Variants in NRG3 observed in about 807,000 individuals in gnomAD.
NRG3 encodes neuregulin 3.
In NRG3, 31 loss-of-function variants were observed where a neutral mutation model predicts 66.9. The observed-to-expected ratio is 0.46, with a 90% CI of 0.35 to 0.63. The LOEUF is 0.63. Among genes scored for constraint, NRG3 ranks in the 20% least tolerant of loss-of-function variants. The pLI is 0.00. For synonymous variants in NRG3, 393 were observed against 359.4 expected, an observed-to-expected ratio of 1.09 and a Z score of -1.06; for missense variants, 910 against 878.9, an observed-to-expected ratio of 1.04 and a Z score of -0.45.
At chr10:82,282,105 G>A (rs533019888) in intron 1 of NRG3, among the ~76,000 whole-genome samples, 244 of 152,132 alleles carry the variant, frequency 1.6e-3, no homozygotes, top group Non-Finnish European at 2.7e-3. Flanking sequence ...GGATAGTGGG[G>A]GCTGTGTCCA....
intron 2 of NRG3, among the ~76,000 whole-genome samples, chr10:82,515,790 GCTT>G: frequency 6.6e-6 from 1 of 152,124 alleles, no homozygotes; most frequent in East Asian, 1.9e-4. Flanking sequence ...TCCACACAGG[GCTT>G]CTTCTGGAAG....
At chr10:82,899,017 T>G (rs1235772031) in intron 4 of NRG3, among the ~76,000 whole-genome samples, 1 of 152,092 alleles carries the variant, frequency 6.6e-6, no homozygotes, top group East Asian at 1.9e-4. Flanking sequence ...GCCAGGAGTT[T>G]TTATTTCATT....
chr10:82,839,113 G>A (rs2062927079), intron 3 of NRG3, among the ~76,000 whole-genome samples: 3 of 152,086 alleles, frequency 2.0e-5, no homozygotes, highest in African/African-American at 7.2e-5. Flanking sequence ...ATGAGATTTG[G>A]GTGGGGACAC....
At chr10:82,356,743 T>G (rs556053988) in intron 1 of NRG3, among the ~76,000 whole-genome samples, 2 of 152,330 alleles carry the variant, frequency 1.3e-5, no homozygotes, top group Non-Finnish European at 2.9e-5. Flanking sequence ...GCCTTGCTGT[T>G]GCAATCTTTA....
chr10:82,104,703 AGTAT>A (rs2066954516), intron 1 of NRG3, among the ~76,000 whole-genome samples: 1 of 152,128 alleles, frequency 6.6e-6, no homozygotes, highest in African/African-American at 2.4e-5. Flanking sequence ...TATTGAAGAT[AGTAT>A]GTGTTATACG....
At chr10:82,405,715 G>A (rs1243317397) in intron 2 of NRG3, among the ~76,000 whole-genome samples, 1 of 152,080 alleles carries the variant, frequency 6.6e-6, no homozygotes, top group Non-Finnish European at 1.5e-5. Flanking sequence ...TGATCCACCC[G>A]CCTCAGCCTC....
intron 2 of NRG3, among the ~76,000 whole-genome samples, chr10:82,399,353 G>A (rs149177169): frequency 1.4e-3 from 210 of 152,274 alleles, no homozygotes; most frequent in African/African-American, 4.7e-3. Context: ...TAAGATGTCA[G>A]AAGAAAATTT....
intron 3 of NRG3, 83 bp downstream of exon 3, chr10:82,738,733 C>T (rs374961929): frequency 8.3e-7 from 1 of 1,208,272 alleles, no homozygotes. Flanking sequence ...CAGCTGAAAG[C>T]TATATTTCAG....
chr10:82,226,269 A>G (rs1369995543), intron 1 of NRG3, among the ~76,000 whole-genome samples: 1 of 152,186 alleles, frequency 6.6e-6, no homozygotes, highest in East Asian at 1.9e-4. Context: ...TCATTTGTAC[A>G]TCAAGGAATT....
At chr10:82,446,021 C>G (rs1425057951) in intron 2 of NRG3, among the ~76,000 whole-genome samples, 1 of 152,198 alleles carries the variant, frequency 6.6e-6, no homozygotes, top group East Asian at 1.9e-4. Flanking sequence ...TAAGACCACA[C>G]CCTCACTTGT....
At chr10:82,221,732 G>A (rs1243469634) in intron 1 of NRG3, among the ~76,000 whole-genome samples, 1 of 152,134 alleles carries the variant, frequency 6.6e-6, no homozygotes, top group Admixed American at 6.5e-5. Flanking sequence ...CCAAACCACA[G>A]GCTCTGATGA....
At chr10:81,980,730 C>G (rs1470101564) in intron 1 of NRG3, among the ~76,000 whole-genome samples, 1 of 152,152 alleles carries the variant, frequency 6.6e-6, no homozygotes, top group African/African-American at 2.4e-5. Flanking sequence ...TTTCTTTTCT[C>G]ACAATTCTGG....
chr10:82,361,355 G>A (rs1314283790), intron 2 of NRG3, among the ~76,000 whole-genome samples: 1 of 152,144 alleles, frequency 6.6e-6, no homozygotes, highest in Non-Finnish European at 1.5e-5. Context: ...AACTCGAGTA[G>A]GTTAATAGAT....
chr10:82,266,198 A>C (rs1164455220), intron 1 of NRG3, among the ~76,000 whole-genome samples: 2 of 152,130 alleles, frequency 1.3e-5, no homozygotes, highest in African/African-American at 4.8e-5. Flanking sequence ...GGATTGATAA[A>C]ATACAGGGTC....
chr10:81,967,599 T>A (rs1254932687), intron 1 of NRG3, among the ~76,000 whole-genome samples: 1 of 152,132 alleles, frequency 6.6e-6, no homozygotes, highest in Non-Finnish European at 1.5e-5. Context: ...GTCTGTTGAT[T>A]TCTTAGAAAG....
intron 1 of NRG3, among the ~76,000 whole-genome samples, chr10:81,885,731 A>G (rs1842560611): frequency 1.3e-5 from 2 of 152,238 alleles, no homozygotes; most frequent in Non-Finnish European, 2.9e-5. Context: ...TGTCAGAAAG[A>G]TTGTATTGTC....
intron 4 of NRG3, among the ~76,000 whole-genome samples, chr10:82,917,670 T>C (rs767021337): frequency 3.9e-5 from 6 of 152,142 alleles, no homozygotes; most frequent in Non-Finnish European, 8.8e-5. Context: ...TTCTGGTGTA[T>C]TTTATAGCAT....
intron 1 of NRG3, among the ~76,000 whole-genome samples, chr10:82,314,773 G>T (rs745949803): frequency 9.2e-5 from 14 of 152,194 alleles, no homozygotes; most frequent in Non-Finnish European, 2.1e-4. Context: ...TCTCGCCACT[G>T]CACTCCAGCC....
intron 3 of NRG3, among the ~76,000 whole-genome samples, chr10:82,819,365 T>C (rs557608243): frequency 2.6e-5 from 4 of 152,336 alleles, no homozygotes. Flanking sequence ...GGTAGAAAGC[T>C]TGGTGCTAGG....
Sources: gnomAD v4.1 joint callset for allele counts (sites outside exome capture counted in the v4.1 genomes callset) on GRCh38, gnomAD v4.1.1 for gene constraint, MANE v1.5 for transcripts, NCBI Gene and HGNC (gene_info 2026-07-23, HGNC 2026-07-21) for gene names.